LHFPL3: variants seen among roughly 807,000 people sequenced by gnomAD.
LHFPL3 encodes LHFPL tetraspan subfamily member 3 protein.
In LHFPL3, 5 loss-of-function variants were observed where a neutral mutation model predicts 19.3. That is an observed-to-expected ratio of 0.26 (90% CI 0.14 to 0.54). The LOEUF is 0.54. Among genes scored for constraint, LHFPL3 ranks in the 20% least tolerant of loss-of-function variants. The pLI, the probability that LHFPL3 is intolerant of heterozygous loss-of-function variation, is 0.94. For synonymous variants in LHFPL3, 133 were observed against 126.2 expected (o/e 1.05, Z -0.36); for missense variants, 249 against 307.4 (o/e 0.81, Z 1.42).
intron 1 of LHFPL3, among the ~76,000 whole-genome samples, chr7:104,595,190 G>A (rs1790821040): frequency 6.6e-6 from 1 of 152,154 alleles, no homozygotes; most frequent in Admixed American, 6.6e-5. Context: ...TCTACCTTTG[G>A]TCTTTGATGT....
intron 1 of LHFPL3, among the ~76,000 whole-genome samples, chr7:104,348,657 T>G (rs1409065677): frequency 6.6e-6 from 1 of 152,232 alleles, no homozygotes; most frequent in African/African-American, 2.4e-5. Context: ...ATAAACCTTG[T>G]TTTTAAACAG....
intron 1 of LHFPL3, among the ~76,000 whole-genome samples, chr7:104,396,424 G>T (rs1791185685): frequency 1.3e-5 from 2 of 152,236 alleles, no homozygotes; most frequent in Non-Finnish European, 2.9e-5. Flanking sequence ...ATACAGAGAA[G>T]TTGATAAGAG....
intron 1 of LHFPL3, among the ~76,000 whole-genome samples, chr7:104,614,680 C>CTTCCTTCCTTCCTTCCTTCCTTCCTTCT (rs767634683): frequency 4.4e-4 from 42 of 94,442 alleles, no homozygotes; most frequent in Non-Finnish European, 6.6e-4. Flanking sequence ...TCCTTCCTTC[C>CTTCCTTCCTTCCTTCCTTCCTTCCTTCT]TTCTTTCTTT....
At chr7:104,840,492 T>G (rs1305382197) in intron 2 of LHFPL3, among the ~76,000 whole-genome samples, 1 of 135,058 alleles carries the variant, frequency 7.4e-6, no homozygotes, top group African/African-American at 2.8e-5. Context: ...TTTTTTTTTT[T>G]TTTTTTTTTT....
At chr7:104,740,049 G>A (rs1793903725) in intron 2 of LHFPL3, among the ~76,000 whole-genome samples, 1 of 152,110 alleles carries the variant, frequency 6.6e-6, no homozygotes, top group Non-Finnish European at 1.5e-5. Flanking sequence ...TCATGATAGC[G>A]AGTAATTTTC....
intron 1 of LHFPL3, among the ~76,000 whole-genome samples, chr7:104,706,377 G>A (rs1426551990): frequency 6.6e-6 from 1 of 152,000 alleles, no homozygotes; most frequent in African/African-American, 2.4e-5. Flanking sequence ...CGATGACTCA[G>A]CATCCCTCAT....
At chr7:104,504,983 A>G (rs1793668878) in intron 1 of LHFPL3, among the ~76,000 whole-genome samples, 1 of 150,850 alleles carries the variant, frequency 6.6e-6, no homozygotes, top group East Asian at 2.0e-4. Flanking sequence ...GTGTATACAT[A>G]TATGTGTACA....
At chr7:104,338,093 C>CTTTTTTTTTTTTTTTTTTTTTT (rs71296520) in intron 1 of LHFPL3, among the ~76,000 whole-genome samples, 3 of 85,846 alleles carry the variant, frequency 3.5e-5, no homozygotes, top group East Asian at 3.9e-4. Context: ...TTTCCTTTTT[C>CTTTTTTTTTTTTTTTTTTTTTT]TTTTTTTTTT....
In LHFPL3 at chr7:104,497,655, G is replaced by A. The variant is rs1013581602; in HGVS notation, c.445+168431G>A. Among the ~76,000 whole-genome samples the A allele has an allele frequency of 2.0e-5, 3 of 151,050 alleles. No homozygotes were observed. The South Asian group carries it at 6.3e-4, about 32-fold the overall frequency. ...AAAAAAAAAAAAGGAGGAAAGGAGA[G>A]CACAAACATAAATTAAATATTAACA... On this transcript the variant is annotated intron_variant, in intron 1 of 2. Transcript: ENST00000424859.
In LHFPL3 at chr7:104,627,355, T is replaced by C. The variant is rs552679140; in HGVS notation, c.446-109320T>C. ...TTTCATTGTGTTTATATACCACATA[T>C]TCTTTCTTCATTCATCCATTAATGG... On this transcript the variant is annotated intron_variant, in intron 1 of 2. Transcript: ENST00000424859. 4.6e-5 allele frequency among the ~76,000 whole-genome samples: 7 copies of C among 152,320 alleles called. No homozygotes were observed. The South Asian group carries it at 1.5e-3, about 32-fold the overall frequency.
chr7:104,828,709 G>C (rs1022717066), intron 2 of LHFPL3, among the ~76,000 whole-genome samples: 1 of 151,946 alleles, frequency 6.6e-6, no homozygotes, highest in East Asian at 1.9e-4. Flanking sequence ...GACAAATGGC[G>C]TAAGTGGGAA....
rs565517954 is a variant in LHFPL3, at chr7:104,667,659, G to A, written c.446-69016G>A. 16 of 932,262 alleles carry A rather than the reference G, an allele frequency of 1.7e-5. No individual in the cohort carries two copies. In the South Asian group the frequency reaches 2.5e-4, roughly 14 times the overall value. The allele number at this position is 932,262 out of a possible 1,614,324, so 57.7% of individuals were successfully genotyped here. ...AACTTGAAACAGCCAAGGGTAAATA[G>A]TAACTAAAGTTAACATGCCATTATA... On this transcript the variant is annotated intron_variant, in intron 1 of 2. Coordinates refer to ENST00000424859, the MANE Select transcript of LHFPL3 (RefSeq NM_199000.3).
At chr7:104,590,213 A>T (rs1255565532) in intron 1 of LHFPL3, among the ~76,000 whole-genome samples, 1 of 151,822 alleles carries the variant, frequency 6.6e-6, no homozygotes, top group Non-Finnish European at 1.5e-5. Context: ...TTAGGGTGTC[A>T]ATTTTAGATC....
intron 2 of LHFPL3, among the ~76,000 whole-genome samples, chr7:104,881,870 G>A (rs892645269): frequency 1.8e-4 from 27 of 152,042 alleles, no homozygotes; most frequent in African/African-American, 5.6e-4. Context: ...TCAGTCAGCC[G>A]CCATCAACAT....
At chr7:104,445,959 G>A (rs750490454) in intron 1 of LHFPL3, among the ~76,000 whole-genome samples, 3 of 152,060 alleles carry the variant, frequency 2.0e-5, no homozygotes, top group Admixed American at 6.6e-5. Flanking sequence ...TTCTACTGGG[G>A]TTGCTAATGA....
intron 1 of LHFPL3, among the ~76,000 whole-genome samples, chr7:104,511,023 A>G (rs1793803502): frequency 6.6e-6 from 1 of 152,178 alleles, no homozygotes; most frequent in Non-Finnish European, 1.5e-5. Flanking sequence ...CTTTATAACA[A>G]ACCTGCACTT....
intron 1 of LHFPL3, among the ~76,000 whole-genome samples, chr7:104,354,203 G>A (rs1266641204): frequency 1.3e-5 from 2 of 152,148 alleles, no homozygotes; most frequent in Non-Finnish European, 2.9e-5. Context: ...CACCCACGTG[G>A]CTGTATGCAC....
At chr7:104,775,822 C>T (rs1260982083) in intron 2 of LHFPL3, among the ~76,000 whole-genome samples, 1 of 149,802 alleles carries the variant, frequency 6.7e-6, no homozygotes, top group Non-Finnish European at 1.5e-5. Context: ...AAGGTTTCTT[C>T]TTCTAGGTTC....
intron 1 of LHFPL3, among the ~76,000 whole-genome samples, chr7:104,439,986 T>G (rs973462557): frequency 1.5e-5 from 2 of 136,468 alleles, no homozygotes; most frequent in Non-Finnish European, 3.0e-5. Context: ...AATATATTAG[T>G]ACTGACAAGT....
Sources: allele counts gnomAD v4.1 joint callset (sites outside exome capture counted in the v4.1 genomes callset), GRCh38; gene constraint gnomAD v4.1.1; transcripts MANE v1.5; gene names NCBI Gene and HGNC (gene_info 2026-07-23, HGNC 2026-07-21).